IFT88: variants seen among roughly 807,000 people sequenced by gnomAD.
The protein encoded by IFT88 is intraflagellar transport 88.
In IFT88, 74 loss-of-function variants were observed where a neutral mutation model predicts 119.5. That is an observed-to-expected ratio of 0.62 (90% CI 0.51 to 0.75). The LOEUF is 0.75. Ranked by LOEUF, IFT88 falls within the 30% of genes least tolerant of loss-of-function variation. The probability of loss-of-function intolerance (pLI) is 0.00; values close to 1 mark genes in which losing one functional copy is unlikely to be tolerated. For synonymous variants in IFT88, 279 were observed against 316.7 expected (o/e 0.88, Z 1.26); for missense variants, 961 against 977.7 (o/e 0.98, Z 0.23).
chr13:20,597,118 C>T lies in IFT88; in HGVS notation c.593C>T (p.Ser198Leu). 6.6e-7 allele frequency: 1 copy of T among 1,518,212 alleles called. No individual in the cohort carries two copies. Among genetic ancestry groups the T allele is most frequent in the Non-Finnish European group, 9.1e-7 (1 of 1,102,184 alleles). 94.0% of individuals were successfully genotyped at this position (1,518,212 alleles called of 1,614,324 possible). The part of the protein sequence containing the change: ...PENINLDLTY[S>L]VLFNLASQYS... The stretch of plus-strand genomic sequence containing the variant: ...AATATCAATTTGGATTTAACTTACT[C>T]AGTAAGTATTGAAATATAACACAAT... Residue 198 changes from serine (S) to leucine (L), a missense_variant and splice_region_variant, in exon 9 of 26, where the codon TCA becomes TTA. Transcript: ENST00000351808.
chr13:20,636,179 G>C (rs758964612), intron 16 of IFT88, among the ~76,000 whole-genome samples: 12 of 152,160 alleles, frequency 7.9e-5, no homozygotes, highest in Admixed American at 5.9e-4. Flanking sequence ...CTATGGAACA[G>C]AGCCTTGAAG....
At chr13:20,597,580 TA>T (rs1264440301) in intron 9 of IFT88, among the ~76,000 whole-genome samples, 1 of 151,798 alleles carries the variant, frequency 6.6e-6, no homozygotes, top group Non-Finnish European at 1.5e-5. Flanking sequence ...CCATCTCTAC[TA>T]AAAATACAAA....
intron 9 of IFT88, among the ~76,000 whole-genome samples, chr13:20,597,417 C>G (rs1413484928): frequency 2.0e-5 from 3 of 152,142 alleles, no homozygotes; most frequent in South Asian, 2.1e-4. Flanking sequence ...TGCGACCAGC[C>G]TGGGCAACAT....
intron 13 of IFT88, chr13:20,607,529 G>A: frequency 1.4e-6 from 1 of 700,694 alleles, no homozygotes; most frequent in Non-Finnish European, 2.7e-6. Context: ...CCGCCACGCT[G>A]TGCTTCTTGT....
In IFT88 at chr13:20,597,537, A is replaced by G. The variant is rs532951940; in HGVS notation, c.594+418A>G. On this transcript the variant is annotated intron_variant, in intron 9 of 25. Transcript: ENST00000351808. ...AGGCGGGCAGATCACAAGGTCAGGAAATCGAGACCATCCTGGCTAACATGG... is the reference window on the plus strand; with the variant it reads ...AGGCGGGCAGATCACAAGGTCAGGAGATCGAGACCATCCTGGCTAACATGG... 2.9e-3 allele frequency among the ~76,000 whole-genome samples: 446 copies of G among 152,064 alleles called. 3 individuals are homozygous for G. The highest frequency in any genetic ancestry group is 8.4e-3 in the African/African-American group (348 of 41,500).
intron 14 of IFT88, among the ~76,000 whole-genome samples, chr13:20,622,941 G>GT (rs1214012978): frequency 2.0e-5 from 3 of 152,200 alleles, no homozygotes; most frequent in South Asian, 2.1e-4. Context: ...TCTTCTAACA[G>GT]TTTTTTTAGT....
intron 2 of IFT88, among the ~76,000 whole-genome samples, chr13:20,582,018 TG>T (rs1423899539): frequency 6.6e-6 from 1 of 152,204 alleles, no homozygotes; most frequent in Non-Finnish European, 1.5e-5. Flanking sequence ...TATTTTTTTT[TG>T]TATTGTTTAT....
intron 23 of IFT88, among the ~76,000 whole-genome samples, chr13:20,666,672 A>AT (rs1274802902): frequency 6.6e-6 from 1 of 151,762 alleles, no homozygotes; most frequent in African/African-American, 2.4e-5. Flanking sequence ...GCCTTCTCTC[A>AT]TTTTTTTTCC....
At chr13:20,641,533 C>A (rs951834222) in intron 18 of IFT88, 135 bp downstream of exon 18, 7 of 534,028 alleles carry the variant, frequency 1.3e-5, no homozygotes, top group African/African-American at 7.6e-5. Flanking sequence ...GATAATCTGG[C>A]AGATTATTGT....
intron 14 of IFT88, among the ~76,000 whole-genome samples, chr13:20,619,794 C>G (rs540375512): frequency 6.6e-6 from 1 of 151,926 alleles, no homozygotes; most frequent in African/African-American, 2.4e-5. Flanking sequence ...TAATAGATAC[C>G]GCTAAACAGT....
intron 20 of IFT88, among the ~76,000 whole-genome samples, chr13:20,648,361 A>C (rs1359683346): frequency 1.3e-5 from 2 of 152,210 alleles, no homozygotes; most frequent in Non-Finnish European, 1.5e-5. Context: ...GCACCACTGC[A>C]CTCCAGCCTG....
chr13:20,690,533 C>G (rs2058372531), intron 24 of IFT88, among the ~76,000 whole-genome samples, 172 bp from the exon 25 acceptor site: 1 of 152,190 alleles, frequency 6.6e-6, no homozygotes, highest in Non-Finnish European at 1.5e-5. Context: ...TAGATTCCCA[C>G]AAGATATTTC....
Position 20,685,593 on chromosome 13 carries a change from G to A in IFT88, c.2243-5112G>A, listed in dbSNP as rs75560641. 7.1e-3 allele frequency among the ~76,000 whole-genome samples: 1,085 copies of A among 152,328 alleles called. 28 individuals carry two copies. In the East Asian group the frequency reaches 0.076, roughly 11 times the overall value. On this transcript the variant is annotated intron_variant, in intron 24 of 25. Transcript: ENST00000351808. ...CCCTTTAAAATGCCCGTACCCAGCC[G>A]GGCATGGTGGCTCACGCCTGTAATC...
At chr13:20,680,005 A>G (rs1176583951) in intron 24 of IFT88, among the ~76,000 whole-genome samples, 1 of 152,172 alleles carries the variant, frequency 6.6e-6, no homozygotes, top group Non-Finnish European at 1.5e-5. Context: ...GGGACCAATC[A>G]ATAATGACTC....
chr13:20,642,865 A>G (rs1406165042), intron 18 of IFT88: 1 of 152,136 alleles, frequency 6.6e-6, no homozygotes, highest in Non-Finnish European at 1.5e-5. Flanking sequence ...ATTGAAAACA[A>G]TGCTTCTTTT....
At chr13:20,653,205 T>G (rs1366076300) in intron 20 of IFT88, among the ~76,000 whole-genome samples, 1 of 152,226 alleles carries the variant, frequency 6.6e-6, no homozygotes. Flanking sequence ...ATCTATCTGA[T>G]TCCAGTAGGT....
chr13:20,568,052 A>G, intron 1 of IFT88: 3 of 710,378 alleles, frequency 4.2e-6, no homozygotes, highest in Non-Finnish European at 5.2e-6. Flanking sequence ...ATGCTTCCAG[A>G]AAGTTTACGA....
chr13:20,671,467 T>C (rs1271554624), intron 24 of IFT88, among the ~76,000 whole-genome samples: 6 of 152,182 alleles, frequency 3.9e-5, no homozygotes, highest in Non-Finnish European at 2.9e-5. Context: ...AGTGACAAGC[T>C]AGGAATTAGG....
chr13:20,583,790 G>T (rs922648778), intron 3 of IFT88, among the ~76,000 whole-genome samples: 1 of 151,978 alleles, frequency 6.6e-6, no homozygotes, highest in Non-Finnish European at 1.5e-5. Context: ...AATCCATTTT[G>T]TGTTCATTTT....
Sources: allele counts gnomAD v4.1 joint callset (sites outside exome capture counted in the v4.1 genomes callset), GRCh38; gene constraint gnomAD v4.1.1; transcripts MANE v1.5; gene names NCBI Gene and HGNC (gene_info 2026-07-23, HGNC 2026-07-21).